The following ENG variants were observed in gnomAD, a reference collection of about 807,000 sequenced individuals.
The protein encoded by ENG is endoglin, also known as CD105 antigen.
In ENG, 17 loss-of-function variants were observed where a neutral mutation model predicts 71.0. The observed-to-expected ratio is 0.24, with a 90% CI of 0.16 to 0.36. The LOEUF (loss-of-function observed/expected upper bound fraction) is 0.36, where lower values mean the gene tolerates loss of function less well. Among genes scored for constraint, ENG ranks in the 10% least tolerant of loss-of-function variants. The pLI is 1.00. For synonymous variants in ENG, 360 were observed against 366.9 expected (o/e 0.98, Z 0.21); for missense variants, 749 against 868.3 (o/e 0.86, Z 1.73).
chr9:127,843,325 G>A, intron 1 of ENG, 80 bp from the exon 2 acceptor site: 8 of 1,595,206 alleles, frequency 5.0e-6, no homozygotes, highest in South Asian at 4.4e-5. Flanking sequence ...CGTCTCCTAG[G>A]GACTTGACAT....
At position 127,824,933 on chromosome 9, in the gene ENG, G is replaced by A. The variant is rs1254020053; in HGVS notation, c.858C>T (p.Asn286=). The A allele has an allele frequency of 3.7e-6, 6 of 1,613,986 alleles. No homozygotes were observed. In the South Asian group the frequency reaches 5.5e-5, roughly 15 times the overall value. The change falls in exon 7 of 15, where the codon AAC becomes AAT. Residue 286 remains asparagine (N), a synonymous_variant. Coordinates refer to ENST00000373203, the MANE Select transcript of ENG (RefSeq NM_001114753.3). The stretch of plus-strand genomic sequence containing the variant: ...TGTCTGGGAGCTTGAAGCCACGAAT[G>A]TTTTTCTCTGGAAAGATCTTGAAGG... ...EYSFKIFPEK[N]IRGFKLPDTP...
chr9:127,819,684 T>TG (rs1261310020), intron 9 of ENG, 24 bp from the exon 10 acceptor site: 3 of 1,601,600 alleles, frequency 1.9e-6, no homozygotes, highest in Non-Finnish European at 2.6e-6. Context: ...GCCAGGGAGC[T>TG]GGTCAGAGCC....
chr9:127,816,539 A>G (rs41513747), intron 13 of ENG: 4,253 of 260,170 alleles, frequency 0.016, 174 homozygotes, highest in African/African-American at 0.087. Context: ...CTATGGGCCA[A>G]GCAGTCTTTC....
At chr9:127,826,396 C>A in intron 4 of ENG, 114 bp downstream of exon 4, 1 of 1,369,706 alleles carries the variant, frequency 7.3e-7, no homozygotes, top group African/African-American at 1.4e-5. Context: ...TGAACTGTGG[C>A]ACAGCGTGTC....
At chr9:127,848,245 C>T (rs561139836) in intron 1 of ENG, among the ~76,000 whole-genome samples, 1 of 152,228 alleles carries the variant, frequency 6.6e-6, no homozygotes, top group East Asian at 1.9e-4. Flanking sequence ...CTCTGCCATG[C>T]CCTTTCCCAG....
At chr9:127,825,174 C>T in intron 6 of ENG, 57 bp downstream of exon 6, 2 of 1,613,006 alleles carry the variant, frequency 1.2e-6, no homozygotes, top group East Asian at 2.2e-5. Context: ...AGGAAACTTC[C>T]CTGATCCAGA....
At chr9:127,825,576 C>CGGGGCT (rs1041170662) in intron 5 of ENG, 119 bp downstream of exon 5, 35 of 1,099,694 alleles carry the variant, frequency 3.2e-5, no homozygotes, top group African/African-American at 6.9e-5. Context: ...AGGGCTGCGG[C>CGGGGCT]GGGGCTGGGG....
Position 127,815,593 on chromosome 9 carries a change from G to C in ENG, c.*89C>G. 2.0e-6 allele frequency: 3 copies of C among 1,505,232 alleles called. No homozygotes were observed. The highest frequency in any genetic ancestry group is 2.7e-6 in the Non-Finnish European group (3 of 1,129,846). The allele number at this position is 1,505,232 out of a possible 1,614,324, so 93.2% of individuals were successfully genotyped here. On this transcript the variant is annotated 3_prime_UTR_variant, in exon 15 of 15. Transcript: ENST00000373203. ...AGCAGGCTCCATTCTGGGTCGAGTG[G>C]AGGACTGGCTCCCAGGGTGAGTTCA...
At chr9:127,826,793 C>CTGAGAATGCT in intron 3 of ENG, 121 bp from the exon 4 acceptor site, 1 of 1,313,838 alleles carries the variant, frequency 7.6e-7, no homozygotes, top group Non-Finnish European at 1.0e-6. Context: ...GAGGCCGGAG[C>CTGAGAATGCT]TGAGAATGCT....
Position 127,824,446 on chromosome 9 carries a change from C to A in ENG, c.992G>T (p.Gly331Val). The change falls in exon 8 of 15, where the codon GGT becomes GTT. Residue 331 changes from glycine to valine, a missense_variant and splice_region_variant. Physicochemically the swap from Gly to Val is moderately radical, Grantham distance 109 (BLOSUM62 -3). Transcript: ENST00000373203. ...SIVSLHASSC[G>V]GRLQTSPAPI... ...TGCGGGTGAGGTCTGCAGCCTACCA[C>A]CTGTGGGGTAGCAGAGGCAGGCCAG... 1 of 1,613,150 alleles carries A rather than the reference C, an allele frequency of 6.2e-7. No individual in the cohort carries two copies. Among genetic ancestry groups the A allele is most frequent in the South Asian group, 1.1e-5 (1 of 91,048 alleles).
At chr9:127,822,025 G>A (rs2131882442) in intron 8 of ENG, among the ~76,000 whole-genome samples, 1 of 152,116 alleles carries the variant, frequency 6.6e-6, no homozygotes, top group South Asian at 2.1e-4. Flanking sequence ...ACTCCAGCCT[G>A]GGTGACAGAG....
intron 1 of ENG, among the ~76,000 whole-genome samples, chr9:127,843,820 G>A (rs1259281966): frequency 7.9e-5 from 10 of 127,358 alleles, no homozygotes; most frequent in Admixed American, 6.0e-4. Flanking sequence ...TGCCCAGGCT[G>A]GAGTGCAATG....
intron 1 of ENG, among the ~76,000 whole-genome samples, chr9:127,853,273 A>G (rs780085607): frequency 6.6e-6 from 1 of 151,980 alleles, no homozygotes; most frequent in Non-Finnish European, 1.5e-5. Context: ...GGTGGGGAGA[A>G]GTTGGCTGCC....
At chr9:127,837,243 C>T (rs1216560019) in intron 2 of ENG, among the ~76,000 whole-genome samples, 2 of 152,136 alleles carry the variant, frequency 1.3e-5, no homozygotes. Context: ...CTGTGGCATC[C>T]TATCTCTGAG....
At chr9:127,831,475 C>T (rs990757193) in intron 2 of ENG, among the ~76,000 whole-genome samples, 4 of 151,496 alleles carry the variant, frequency 2.6e-5, no homozygotes, top group Non-Finnish European at 4.4e-5. Flanking sequence ...GCAACCTTCG[C>T]GTACCAGGTT....
At chr9:127,834,760 A>C (rs1830856506) in intron 2 of ENG, among the ~76,000 whole-genome samples, 1 of 151,126 alleles carries the variant, frequency 6.6e-6, no homozygotes. Flanking sequence ...AATGGTCTTA[A>C]TCTCTTGACC....
rs148537759 is a variant in ENG at position 127,818,333 on chromosome 9, G to T, written c.1473C>A (p.Asp491Glu). The T allele has an allele frequency of 9.3e-6, 15 of 1,613,936 alleles. No homozygotes were observed. The highest frequency in any genetic ancestry group is 1.3e-5 in the Non-Finnish European group (15 of 1,180,046). Reference sequence around the variant, plus strand: ...CAGGCCCCAAGTCCAGGTGGCAGCTGTCTAACTGGAGCAGGAACTCGGAGA... The same window carrying T: ...CAGGCCCCAAGTCCAGGTGGCAGCTTTCTAACTGGAGCAGGAACTCGGAGA... Reference protein sequence around the residue: ...PSVSEFLLQLDSCHLDLGPEG... With the variant: ...PSVSEFLLQLESCHLDLGPEG... The change falls in exon 12 of 15, where the codon GAC becomes GAA. Residue 491 changes from aspartate to glutamate, a missense_variant. By Grantham distance (45) the Asp-to-Glu change is conservative. Transcript: ENST00000373203.
chr9:127,823,973 G>A (rs1830537852), intron 8 of ENG, among the ~76,000 whole-genome samples: 1 of 152,130 alleles, frequency 6.6e-6, no homozygotes, highest in Non-Finnish European at 1.5e-5. Flanking sequence ...GAACCACCAT[G>A]CCTGGCCTGT....
rs976620427 is a variant in ENG at position 127,819,954 on chromosome 9, G to A, written c.1218C>T (p.Arg406=). The part of the protein sequence containing the change: ...AEDRGDKFVL[R]SAYSSCGMQV... ...GCATGCCACAGCTGGAGTAAGCACT[G>A]CGCAAGACAAACTTGTCACCCCTGT... is the stretch of plus-strand genomic sequence containing the variant. Residue 406 remains arginine (R), a synonymous_variant, in exon 9 of 15, where the codon CGC becomes CGT. Coordinates refer to ENST00000373203, the MANE Select transcript of ENG (RefSeq NM_001114753.3). 1.2e-6 allele frequency: 2 copies of A among 1,614,242 alleles called. No individual in the cohort carries two copies. The highest frequency in any genetic ancestry group is 1.7e-6 in the Non-Finnish European group (2 of 1,180,054).
Sources: gnomAD v4.1 joint callset for allele counts (sites outside exome capture counted in the v4.1 genomes callset) on GRCh38, gnomAD v4.1.1 for gene constraint, MANE v1.5 for transcripts, NCBI Gene and HGNC (gene_info 2026-07-23, HGNC 2026-07-21) for gene names.